MACROD2: variants seen among roughly 807,000 people sequenced by gnomAD.
The protein encoded by MACROD2 is mono-ADP ribosylhydrolase 2.
Under a neutral mutation model 70.4 loss-of-function variants are expected in MACROD2, and 36 were observed. The ratio of observed to expected loss-of-function variants is 0.51; its 90% confidence interval spans 0.39 to 0.68. The LOEUF (loss-of-function observed/expected upper bound fraction) is 0.68. MACROD2 is among the 30% of genes least tolerant of loss of function. The probability of loss-of-function intolerance (pLI) is 0.00; values close to 1 mark genes in which losing one functional copy is unlikely to be tolerated. For missense variants in MACROD2, 496 were observed against 538.4 expected, an observed-to-expected ratio of 0.92 and a Z score of 0.78; for synonymous variants, 172 against 178.8, an observed-to-expected ratio of 0.96 and a Z score of 0.30.
At chr20:14,199,515 A>T (rs935842460) in intron 3 of MACROD2, among the ~76,000 whole-genome samples, 3 of 152,006 alleles carry the variant, frequency 2.0e-5, no homozygotes, top group African/African-American at 7.3e-5. Context: ...TGCACAGTAT[A>T]CTCTTAATTT....
chr20:14,461,330 G>T (rs2084368833), intron 3 of MACROD2, among the ~76,000 whole-genome samples: 1 of 151,832 alleles, frequency 6.6e-6, no homozygotes, highest in African/African-American at 2.4e-5. Context: ...TTCTTTAACA[G>T]TCTGGCTAGT....
At chr20:14,832,660 A>G (rs1254112451) in intron 5 of MACROD2, among the ~76,000 whole-genome samples, 5 of 152,158 alleles carry the variant, frequency 3.3e-5, no homozygotes, top group African/African-American at 9.7e-5. Flanking sequence ...AATTGTTATA[A>G]TTATCTTTTT....
At chr20:15,973,187 C>G (rs1392367895) in intron 13 of MACROD2, among the ~76,000 whole-genome samples, 1 of 151,904 alleles carries the variant, frequency 6.6e-6, no homozygotes, top group Non-Finnish European at 1.5e-5. Flanking sequence ...TAATTGATAT[C>G]TCTATATTTT....
chr20:15,142,895 T>C (rs2076202960), intron 5 of MACROD2, among the ~76,000 whole-genome samples: 1 of 152,196 alleles, frequency 6.6e-6, no homozygotes, highest in Non-Finnish European at 1.5e-5. Context: ...CCACATTTTC[T>C]TAATCCAGTC....
chr20:14,169,042 G>T (rs1008777196), intron 3 of MACROD2, among the ~76,000 whole-genome samples: 2 of 152,166 alleles, frequency 1.3e-5, no homozygotes, highest in African/African-American at 4.8e-5. Context: ...ATGCAGGGAT[G>T]GTTTAACATA....
intron 3 of MACROD2, among the ~76,000 whole-genome samples, chr20:14,423,435 C>T: frequency 6.6e-6 from 1 of 151,460 alleles, no homozygotes; most frequent in East Asian, 2.0e-4. Context: ...AGCGGTGGCT[C>T]ACGCCTGTAA....
intron 5 of MACROD2, among the ~76,000 whole-genome samples, chr20:14,820,431 C>A (rs2072830275): frequency 6.9e-6 from 1 of 145,416 alleles, no homozygotes; most frequent in Non-Finnish European, 1.5e-5. Context: ...AAAAATACAG[C>A]TACTGTGATA....
chr20:14,468,438 C>CT (rs35239187), intron 3 of MACROD2, among the ~76,000 whole-genome samples: 5,621 of 110,128 alleles, frequency 0.051, 363 homozygotes, highest in African/African-American at 0.17. Flanking sequence ...GCAACCCCTG[C>CT]TTTTTTTTTT....
chr20:15,542,306 G>A (rs2047968303), intron 8 of MACROD2, among the ~76,000 whole-genome samples: 1 of 152,124 alleles, frequency 6.6e-6, no homozygotes, highest in Non-Finnish European at 1.5e-5. Context: ...GGGTTATTGT[G>A]AGCACAATGA....
At chr20:14,877,587 T>G (rs2122451806) in intron 5 of MACROD2, among the ~76,000 whole-genome samples, 1 of 152,266 alleles carries the variant, frequency 6.6e-6, no homozygotes, top group East Asian at 1.9e-4. Flanking sequence ...TGGCTGTGGG[T>G]TTGTCATAGA....
chr20:14,512,832 T>G (rs2085045795), intron 4 of MACROD2, among the ~76,000 whole-genome samples: 1 of 152,118 alleles, frequency 6.6e-6, no homozygotes, highest in Admixed American at 6.6e-5. Flanking sequence ...TACGATTTTT[T>G]TCTGTCTTGG....
chr20:15,998,864 G>A (rs907826088), intron 15 of MACROD2, among the ~76,000 whole-genome samples: 18 of 151,870 alleles, frequency 1.2e-4, no homozygotes, highest in Non-Finnish European at 1.3e-4. Context: ...ACACCCAGCT[G>A]AGTCCTCTTT....
rs556846500 is a variant in MACROD2, at chr20:16,044,180, C to T, written c.1232-391C>T. On this transcript the variant is annotated intron_variant, in intron 16 of 17. Transcript: ENST00000684519. ...AGAGGAAGGGGGAGTATGCAACTCA[C>T]ATGGCCAGACTAGAAGCAAGACTAG... 3.3e-5 allele frequency among the ~76,000 whole-genome samples: 5 copies of T among 152,160 alleles called. No individual in the cohort carries two copies. In the South Asian group the frequency reaches 1.0e-3, roughly 32 times the overall value.
At chr20:14,857,395 C>T (rs1254875421) in intron 5 of MACROD2, among the ~76,000 whole-genome samples, 1 of 152,180 alleles carries the variant, frequency 6.6e-6, no homozygotes, top group East Asian at 1.9e-4. Context: ...GAATTGTTCT[C>T]ATGTATGCTG....
At chr20:15,361,145 T>A (rs1268410411) in intron 6 of MACROD2, among the ~76,000 whole-genome samples, 1 of 152,186 alleles carries the variant, frequency 6.6e-6, no homozygotes, top group African/African-American at 2.4e-5. Context: ...GCTCTATACC[T>A]TGATACTTTT....
At chr20:15,511,381 T>C (rs887124076) in intron 8 of MACROD2, among the ~76,000 whole-genome samples, 2 of 152,202 alleles carry the variant, frequency 1.3e-5, no homozygotes, top group Admixed American at 6.5e-5. Context: ...TAAAGACTTT[T>C]AGTTGTTGTT....
intron 9 of MACROD2, among the ~76,000 whole-genome samples, chr20:15,883,812 T>C (rs1400518427): frequency 6.6e-6 from 1 of 152,146 alleles, no homozygotes. Flanking sequence ...GTATATAAAA[T>C]GAATGGCATT....
intron 3 of MACROD2, among the ~76,000 whole-genome samples, chr20:14,252,206 C>T (rs949663197): frequency 6.6e-6 from 1 of 151,928 alleles, no homozygotes; most frequent in Non-Finnish European, 1.5e-5. Flanking sequence ...GAAAATTGCA[C>T]AAATCTATGC....
chr20:15,846,742 T>A (rs2147139932), intron 8 of MACROD2, among the ~76,000 whole-genome samples: 1 of 152,092 alleles, frequency 6.6e-6, no homozygotes, highest in Admixed American at 6.5e-5. Context: ...TGGCGAAATG[T>A]CAGAGCTGCT....
Sources: gnomAD v4.1 joint callset for allele counts (sites outside exome capture counted in the v4.1 genomes callset) on GRCh38, gnomAD v4.1.1 for gene constraint, MANE v1.5 for transcripts, NCBI Gene and HGNC (gene_info 2026-07-23, HGNC 2026-07-21) for gene names.